TEK: variants seen among roughly 807,000 people sequenced by gnomAD.
The protein encoded by TEK is angiopoietin-1 receptor.
Under a neutral mutation model 131.8 loss-of-function variants are expected in TEK, and 43 were observed. That is an observed-to-expected ratio of 0.33 (90% confidence interval 0.26 to 0.42). TEK has a LOEUF of 0.42. Ranked by LOEUF, TEK falls within the 10% of genes least tolerant of loss-of-function variation. The pLI is 1.00. For missense variants in TEK, 1,162 were observed against 1,384.4 expected (o/e 0.84, Z 2.55); for synonymous variants, 580 against 491.6 (o/e 1.18, Z -2.38).
chr9:27,175,580 T>C (rs1378496295), intron 6 of TEK, among the ~76,000 whole-genome samples: 1 of 152,064 alleles, frequency 6.6e-6, no homozygotes, highest in African/African-American at 2.4e-5. Context: ...TCCACAATGG[T>C]TGAACTAGTT....
At position 27,192,673 on chromosome 9, in the gene TEK, G is replaced by A; in HGVS notation, c.1624+50G>A. On this transcript the variant is annotated intron_variant, in intron 11 of 22. Coordinates refer to ENST00000380036, the MANE Select transcript of TEK (RefSeq NM_000459.5). ...ATTCATGAGCTGGGTGGGAGGGGGA[G>A]GAAGGGGAAAGAGGAAGGAAGACCA... The A allele has an allele frequency of 3.4e-6, 5 of 1,471,108 alleles. 1 individual carries two copies. The allele number at this position is 1,471,108 out of a possible 1,614,324, so 91.1% of individuals were successfully genotyped here.
intron 1 of TEK, among the ~76,000 whole-genome samples, chr9:27,144,893 A>G (rs1305395388): frequency 1.3e-5 from 2 of 152,188 alleles, no homozygotes; most frequent in Non-Finnish European, 2.9e-5. Flanking sequence ...GGAAAAGAGA[A>G]TTCTTGGAGC....
chr9:27,193,696 T>A (rs1291325003), intron 11 of TEK, among the ~76,000 whole-genome samples: 8 of 152,216 alleles, frequency 5.3e-5, no homozygotes, highest in Admixed American at 3.3e-4. Flanking sequence ...TTGATTTATA[T>A]CACCTAGGAA....
At chr9:27,200,551 A>G (rs943306843) in intron 12 of TEK, among the ~76,000 whole-genome samples, 16 of 152,130 alleles carry the variant, frequency 1.1e-4, no homozygotes, top group African/African-American at 3.9e-4. Context: ...AGGAAGGAGG[A>G]TGTGAATGAG....
Position 27,172,652 on chromosome 9 carries a change from A to T in TEK, c.665A>T (p.His222Leu), listed in dbSNP as rs144378392. 146 of 1,613,676 alleles carry T rather than the reference A, an allele frequency of 9.0e-5. No homozygotes were observed. The highest frequency in any genetic ancestry group is 1.2e-4 in the Non-Finnish European group (136 of 1,179,722). The change falls in exon 5 of 23, where the codon CAT becomes CTT. Residue 222 changes from histidine (H) to leucine (L), a missense_variant. This residue lies in a region of TEK where 436 missense variants were observed against 539.1 expected (regional missense o/e 0.81). Coordinates refer to ENST00000380036, the MANE Select transcript of TEK (RefSeq NM_000459.5). ...CAGAAGTGGGGACCTGAATGCAACC[A>T]TCTCTGTACTGCTTGTATGAACAAT... ...EAQKWGPECN[H>L]LCTACMNNGV...
At chr9:27,191,232 C>G (rs908818348) in intron 10 of TEK, among the ~76,000 whole-genome samples, 1 of 151,934 alleles carries the variant, frequency 6.6e-6, no homozygotes, top group Non-Finnish European at 1.5e-5. Context: ...GGAATGGGCT[C>G]GGGGGAGGAC....
At chr9:27,195,603 C>CT in intron 11 of TEK, 1 of 455,664 alleles carries the variant, frequency 2.2e-6, no homozygotes, top group Non-Finnish European at 4.4e-6. Context: ...TTTGGAAGGA[C>CT]TTCATATCTG....
At chr9:27,131,843 G>A (rs1051524525) in intron 1 of TEK, among the ~76,000 whole-genome samples, 1 of 151,770 alleles carries the variant, frequency 6.6e-6, no homozygotes, top group African/African-American at 2.4e-5. Flanking sequence ...AGCTATATAT[G>A]TTTGTTTCTG....
chr9:27,113,318 G>C (rs917181329), intron 1 of TEK, among the ~76,000 whole-genome samples: 2 of 152,174 alleles, frequency 1.3e-5, no homozygotes, highest in African/African-American at 4.8e-5. Context: ...GGGGCCTGGT[G>C]CTGTGGCTCA....
At chr9:27,161,320 A>G (rs1209115289) in intron 2 of TEK, among the ~76,000 whole-genome samples, 1 of 152,216 alleles carries the variant, frequency 6.6e-6, no homozygotes. Flanking sequence ...TTGGCAAGTT[A>G]TTTAACTTCT....
At chr9:27,200,133 G>A (rs761403450) in intron 12 of TEK, among the ~76,000 whole-genome samples, 2 of 152,116 alleles carry the variant, frequency 1.3e-5, no homozygotes, top group Non-Finnish European at 2.9e-5. Context: ...GAGTTGTGAT[G>A]ATTTCTGTAT....
At chr9:27,226,571 A>G (rs12340789) in intron 21 of TEK, among the ~76,000 whole-genome samples, 74,452 of 150,866 alleles carry the variant, frequency 0.49, 18,433 homozygotes, top group Admixed American at 0.59. Context: ...TCACACGCCT[A>G]TCGGGGGGTG....
At chr9:27,210,851 G>GCTCA (rs1453793305) in intron 16 of TEK, among the ~76,000 whole-genome samples, 5 of 152,182 alleles carry the variant, frequency 3.3e-5, no homozygotes, top group African/African-American at 1.2e-4. Context: ...GGGCGTGGTG[G>GCTCA]CTCACGCCTA....
chr9:27,190,572 A>G lies in TEK; in HGVS notation c.1371A>G (p.Gly457=). The change falls in exon 10 of 23, where the codon GGA becomes GGG. Residue 457 remains glycine (G), a synonymous_variant. Coordinates refer to ENST00000380036, the MANE Select transcript of TEK (RefSeq NM_000459.5). ...ATGCCCCAAACGTGATTGACACTGG[A>G]CATAACTTTGCTGTCATCAACATCA... is the stretch of plus-strand genomic sequence containing the variant. ...PLNAPNVIDT[G]HNFAVINISS... 1 of 1,614,048 alleles carries G rather than the reference A, an allele frequency of 6.2e-7. No homozygotes were observed. The highest frequency in any genetic ancestry group is 2.2e-5 in the East Asian group (1 of 44,878).
intron 19 of TEK, 23 bp downstream of exon 19, chr9:27,217,781 A>G: frequency 6.6e-7 from 1 of 1,511,692 alleles, no homozygotes; most frequent in Non-Finnish European, 8.8e-7. Context: ...CTTATTGCCA[A>G]GGGATTTTTT....
At chr9:27,174,964 GT>G (rs142396728) in intron 6 of TEK, among the ~76,000 whole-genome samples, 67,494 of 149,896 alleles carry the variant, frequency 0.45, 15,325 homozygotes, top group Admixed American at 0.58. Flanking sequence ...AGGTTTTTTT[GT>G]TTTTTTTTTA....
At chr9:27,135,705 G>C (rs1215191344) in intron 1 of TEK, among the ~76,000 whole-genome samples, 1 of 152,158 alleles carries the variant, frequency 6.6e-6, no homozygotes, top group Non-Finnish European at 1.5e-5. Flanking sequence ...GGCAGATCTA[G>C]AATTCAAACC....
intron 1 of TEK, among the ~76,000 whole-genome samples, chr9:27,137,986 C>G (rs1822555982): frequency 6.6e-6 from 1 of 152,030 alleles, no homozygotes; most frequent in South Asian, 2.1e-4. Context: ...GGTTTGTGGT[C>G]TCGCTGACTT....
At chr9:27,207,610 T>G (rs1564098522) in intron 15 of TEK, among the ~76,000 whole-genome samples, 1 of 152,218 alleles carries the variant, frequency 6.6e-6, no homozygotes, top group Non-Finnish European at 1.5e-5. Context: ...GCAGTTTGTA[T>G]AAGACTTGAC....
Sources: gnomAD v4.1 joint callset for allele counts (sites outside exome capture counted in the v4.1 genomes callset) on GRCh38, gnomAD v4.1.1 for gene constraint, gnomAD v4.1.1 regional missense constraint, MANE v1.5 for transcripts, NCBI Gene and HGNC (gene_info 2026-07-23, HGNC 2026-07-21) for gene names.